MYO16: variants seen among roughly 807,000 people sequenced by gnomAD.
MYO16 encodes unconventional myosin-XVI.
MYO16 carries 94 observed loss-of-function variants against 205.3 expected under a neutral mutation model. That is an observed-to-expected ratio of 0.46 (90% CI 0.39 to 0.54). MYO16 has a LOEUF of 0.54. Among genes scored for constraint, MYO16 ranks in the 20% least tolerant of loss-of-function variants. The pLI, the probability that MYO16 is intolerant of heterozygous loss-of-function variation, is 0.00. For synonymous variants in MYO16, 988 were observed against 954.0 expected (o/e 1.04, Z -0.66); for missense variants, 2,315 against 2,387.5 (o/e 0.97, Z 0.63).
chr13:108,539,445 G>C, the MYO16 span, among the ~76,000 whole-genome samples: 1 of 152,028 alleles, frequency 6.6e-6, no homozygotes, highest in African/African-American at 2.4e-5. Context: ...AATGATGAAA[G>C]ATCTAAAACA....
At chr13:109,195,677 G>C (rs1466002442) in intron 34 of MYO16, among the ~76,000 whole-genome samples, 1 of 152,072 alleles carries the variant, frequency 6.6e-6, no homozygotes. Flanking sequence ...GTCAGTAAAT[G>C]CCTCTTTTCA....
At chr13:109,153,498 T>C (rs1877799153) in intron 32 of MYO16, among the ~76,000 whole-genome samples, 1 of 152,126 alleles carries the variant, frequency 6.6e-6, no homozygotes, top group African/African-American at 2.4e-5. Flanking sequence ...CTGGGCGAGG[T>C]GGCTCATCTC....
At position 108,617,949 on chromosome 13, in the gene MYO16, C is replaced by T. The variant is rs190278580; in HGVS notation, c.-39+21710C>T. 7.5e-3 allele frequency among the ~76,000 whole-genome samples: 1,138 copies of T among 152,236 alleles called. 60 individuals are homozygous for T. The highest frequency in any genetic ancestry group is 0.066 in the Admixed American group (1,014 of 15,274). On this transcript the variant is annotated intron_variant, in intron 1 of 24. Transcript: ENST00000251041. ...TTTCCCTCACCAGATAGGCAGATGG[C>T]CTCACCAAACACCCAAGCACCTAGA...
At chr13:108,919,364 A>G (rs1323638334) in intron 16 of MYO16, among the ~76,000 whole-genome samples, 1 of 152,236 alleles carries the variant, frequency 6.6e-6, no homozygotes, top group Non-Finnish European at 1.5e-5. Context: ...CAATTTAACT[A>G]TAAAACCTCC....
intron 1 of MYO16, among the ~76,000 whole-genome samples, chr13:108,634,345 C>T (rs1880126341): frequency 6.6e-6 from 1 of 152,168 alleles, no homozygotes. Context: ...TGTCCAAGGC[C>T]AGTGCGCTTG....
intron 15 of MYO16, among the ~76,000 whole-genome samples, chr13:108,903,756 T>G (rs769692504): frequency 3.2e-4 from 48 of 152,274 alleles, no homozygotes; most frequent in Middle Eastern, 3.4e-3. Flanking sequence ...AAAAACACAT[T>G]AACTTTAACT....
At chr13:109,129,991 A>G (rs1876450032) in intron 31 of MYO16, among the ~76,000 whole-genome samples, 1 of 152,030 alleles carries the variant, frequency 6.6e-6, no homozygotes, top group Admixed American at 6.6e-5. Context: ...CAAAAAAAAA[A>G]AAAAAGTCAA....
intron 6 of MYO16, among the ~76,000 whole-genome samples, chr13:108,799,032 G>T (rs1392718553): frequency 6.6e-6 from 1 of 152,148 alleles, no homozygotes; most frequent in African/African-American, 2.4e-5. Flanking sequence ...TGGTTTGTTA[G>T]GAAAGAATTA....
chr13:108,907,818 C>T (rs1048946110), intron 15 of MYO16, among the ~76,000 whole-genome samples: 1 of 152,146 alleles, frequency 6.6e-6, no homozygotes, highest in Non-Finnish European at 1.5e-5. Context: ...AATACTGCTT[C>T]AATCAGGGCT....
the MYO16 span, among the ~76,000 whole-genome samples, chr13:108,588,788 T>C: frequency 2.6e-4 from 39 of 152,252 alleles, no homozygotes; most frequent in African/African-American, 8.4e-4. Context: ...TCAGGTTGCA[T>C]GATTGCCAAA....
At chr13:108,534,381 C>A in the MYO16 span, among the ~76,000 whole-genome samples, 2 of 152,006 alleles carry the variant, frequency 1.3e-5, no homozygotes, top group African/African-American at 4.8e-5. Context: ...TATTCATTAG[C>A]CCCAGAAGAA....
At chr13:109,023,696 TATATATGTATATATACAA>T (rs1293448545) in intron 23 of MYO16, among the ~76,000 whole-genome samples, 3 of 117,968 alleles carry the variant, frequency 2.5e-5, no homozygotes, top group Admixed American at 1.9e-4. Context: ...CATATATATG[TATATATGTATATATACAA>T]ATATATGTAT....
At chr13:108,581,191 T>C in the MYO16 span, among the ~76,000 whole-genome samples, 1 of 152,166 alleles carries the variant, frequency 6.6e-6, no homozygotes, top group African/African-American at 2.4e-5. Flanking sequence ...TAAGAACTTA[T>C]TAAGATGATT....
At chr13:108,997,096 G>T (rs1303700185) in intron 21 of MYO16, among the ~76,000 whole-genome samples, 1 of 152,024 alleles carries the variant, frequency 6.6e-6, no homozygotes. Flanking sequence ...TTTGAGACCA[G>T]CCTGGCCAAC....
At chr13:109,176,431 T>C (rs1291790730) in intron 33 of MYO16, among the ~76,000 whole-genome samples, 1 of 151,768 alleles carries the variant, frequency 6.6e-6, no homozygotes, top group Non-Finnish European at 1.5e-5. Flanking sequence ...GCATTGTCAA[T>C]ATGTTTATTT....
At chr13:108,609,472 A>G (rs1420446416) in intron 1 of MYO16, among the ~76,000 whole-genome samples, 1 of 152,172 alleles carries the variant, frequency 6.6e-6, no homozygotes, top group Non-Finnish European at 1.5e-5. Flanking sequence ...ACAGGTGCTC[A>G]ATGCTATCAG....
chr13:108,525,362 T>C, the MYO16 span, among the ~76,000 whole-genome samples: 3 of 152,218 alleles, frequency 2.0e-5, no homozygotes, highest in African/African-American at 7.2e-5. Context: ...ATTGAATTAA[T>C]GAAATGACGG....
intron 16 of MYO16, among the ~76,000 whole-genome samples, chr13:108,926,616 A>C (rs2139278998): frequency 6.6e-6 from 1 of 152,292 alleles, no homozygotes; most frequent in African/African-American, 2.4e-5. Flanking sequence ...GGAGGGCGTG[A>C]GTGGAACCTG....
intron 20 of MYO16, among the ~76,000 whole-genome samples, chr13:108,968,249 A>C (rs879762276): frequency 6.6e-6 from 1 of 152,050 alleles, no homozygotes; most frequent in Non-Finnish European, 1.5e-5. Flanking sequence ...TGGTCTTTCG[A>C]TGAGGGGGGG....
Sources: gnomAD v4.1 joint callset for allele counts (sites outside exome capture counted in the v4.1 genomes callset) on GRCh38, gnomAD v4.1.1 for gene constraint, MANE v1.5 for transcripts, NCBI Gene and HGNC (gene_info 2026-07-23, HGNC 2026-07-21) for gene names.